The following ZNF740 variants were observed in gnomAD, a reference collection of about 807,000 sequenced individuals.
ZNF740 encodes zinc finger protein 740, also known as oriLyt TD-element-binding protein 7.
In ZNF740, 14 loss-of-function variants were observed where a neutral mutation model predicts 24.8. The ratio of observed to expected loss-of-function variants is 0.56; its 90% CI spans 0.37 to 0.88. ZNF740 has a LOEUF of 0.88. Among genes scored for constraint, ZNF740 ranks in the 40% least tolerant of loss-of-function variants. The pLI, the probability that ZNF740 is intolerant of heterozygous loss-of-function variation, is 0.00. For synonymous variants in ZNF740, 69 were observed against 84.0 expected, an observed-to-expected ratio of 0.82 and a Z score of 0.98; for missense variants, 201 against 247.9, an observed-to-expected ratio of 0.81 and a Z score of 1.27.
At chr12:53,185,110 G>A (rs1941797952) in intron 3 of ZNF740, 70 bp downstream of exon 3, 1 of 1,597,228 alleles carries the variant, frequency 6.3e-7, no homozygotes. Flanking sequence ...GAGATACCAA[G>A]CTCTGATTCC....
Position 53,183,880 on chromosome 12 carries a change from C to T in ZNF740, c.10-1011C>T, listed in dbSNP as rs558964322. On this transcript the variant is annotated intron_variant, in intron 2 of 6. Transcript: ENST00000416904. The stretch of plus-strand genomic sequence containing the variant: ...CTCTATAAATACAAAAAAAAATAGC[C>T]GGGTGTGGTGGCATTCTCCTGAAGT... 1.5e-4 allele frequency among the ~76,000 whole-genome samples: 23 copies of T among 151,944 alleles called. 1 individual carries two copies. The South Asian group carries it at 4.4e-3, about 29-fold the overall frequency.
Position 53,188,497 on chromosome 12 carries a change from T to G in ZNF740, c.*907T>G, listed in dbSNP as rs1325012464. ...GACAGATGTGTTGAGCAAGGAGTCATGGAAGTCAAAGTGGGTTCTCTCTCC... is the reference window on the plus strand; with the variant it reads ...GACAGATGTGTTGAGCAAGGAGTCAGGGAAGTCAAAGTGGGTTCTCTCTCC... On this transcript the variant is annotated 3_prime_UTR_variant, in exon 7 of 7. Transcript: ENST00000416904. The G allele has an allele frequency of 6.6e-6, 1 of 152,590 alleles. No homozygotes were observed. The highest frequency in any genetic ancestry group is 1.5e-5 in the Non-Finnish European group (1 of 68,048). The allele number at this position is 152,590 out of a possible 1,614,324, so 9.5% of individuals were successfully genotyped here. A position where few individuals can be genotyped will look rare whatever the true frequency, so the allele number is the denominator to read the frequency against.
rs1280945525 is a variant in ZNF740, at chr12:53,181,707, G to C, written c.-277G>C. On this transcript the variant is annotated 5_prime_UTR_variant, in exon 2 of 7. Transcript: ENST00000416904. ...TGAAACAGATCGTGAGCTTCATCAA[G>C]AGAATTCAACTGGAAAACCAAGACT... 1.1e-5 allele frequency: 5 copies of C among 474,570 alleles called. No individual in the cohort carries two copies. The highest frequency in any genetic ancestry group is 1.4e-5 in the Non-Finnish European group (4 of 285,254). 29.4% of individuals were successfully genotyped at this position (474,570 alleles called of 1,614,324 possible).
At position 53,193,421 on chromosome 12, in the gene ZNF740, G is replaced by C; in HGVS notation, c.*5831G>C. ...CAGAGGGTTTGATCACCCCTGACTTGTCTCTCCCAGGAACCTCTAAACCCA... is the reference window on the plus strand; with the variant it reads ...CAGAGGGTTTGATCACCCCTGACTTCTCTCTCCCAGGAACCTCTAAACCCA... On this transcript the variant is annotated 3_prime_UTR_variant, in exon 7 of 7. Transcript: ENST00000416904. 3.1e-6 allele frequency: 4 copies of C among 1,271,212 alleles called. No homozygotes were observed. Among genetic ancestry groups the C allele is most frequent in the Non-Finnish European group, 4.3e-6 (4 of 934,352 alleles). The allele number at this position is 1,271,212 out of a possible 1,614,324, so 78.7% of individuals were successfully genotyped here. A position where few individuals can be genotyped will look rare whatever the true frequency, so the allele number is the denominator to read the frequency against.
At chr12:53,185,241 C>T (rs1941800831) in intron 3 of ZNF740, 146 bp from the exon 4 acceptor site, 2 of 1,132,758 alleles carry the variant, frequency 1.8e-6, no homozygotes, top group South Asian at 3.1e-5. Context: ...AGACCAGGTG[C>T]TTGGAGAGGA....
Position 53,192,305 on chromosome 12 carries a change from G to A in ZNF740, c.*4715G>A, listed in dbSNP as rs771415887. 2.5e-6 allele frequency: 4 copies of A among 1,610,740 alleles called. No homozygotes were observed. Among genetic ancestry groups the A allele is most frequent in the Non-Finnish European group, 3.4e-6 (4 of 1,177,596 alleles). ...AGACCCTGCCCATCAAACTTCCAGG[G>A]TTTGTGGCATCCCTGCCCACTTACT... On this transcript the variant is annotated 3_prime_UTR_variant, in exon 7 of 7. Coordinates refer to ENST00000416904, the MANE Select transcript of ZNF740 (RefSeq NM_001004304.4).
In ZNF740 at chr12:53,184,162, C is replaced by T. The variant is rs551845242; in HGVS notation, c.10-729C>T. 1.6e-3 allele frequency among the ~76,000 whole-genome samples: 199 copies of T among 125,852 alleles called. 1 individual carries two copies. Among genetic ancestry groups the T allele is most frequent in the African/African-American group, 6.6e-3 (192 of 29,198 alleles). The allele number at this position is 125,852 out of a possible 152,430, so 82.6% of individuals were successfully genotyped here. A position where few individuals can be genotyped will look rare whatever the true frequency, so the allele number is the denominator to read the frequency against. ...GTGTGTGTGTGTGTGCGCGCGCGCGCTCTGAAGCTAAGGGGTGTGTGTGTG... is the reference window on the plus strand; with the variant it reads ...GTGTGTGTGTGTGTGCGCGCGCGCGTTCTGAAGCTAAGGGGTGTGTGTGTG... On this transcript the variant is annotated intron_variant, in intron 2 of 6. Coordinates refer to ENST00000416904, the MANE Select transcript of ZNF740 (RefSeq NM_001004304.4).
rs201607880 is a variant in ZNF740, at chr12:53,191,944, A to G, written c.*4354A>G. 3 of 1,611,360 alleles carry G rather than the reference A, an allele frequency of 1.9e-6. No individual in the cohort carries two copies. The highest frequency in any genetic ancestry group is 2.5e-6 in the Non-Finnish European group (3 of 1,179,918). On this transcript the variant is annotated 3_prime_UTR_variant, in exon 7 of 7. Transcript: ENST00000416904. ...GATTTCCACCGAGAGCCGGTAAGCC[A>G]GGACCAGCCCCAGCCCCACTGCCAC...
chr12:53,191,508 C>A lies in ZNF740; in HGVS notation c.*3918C>A. On this transcript the variant is annotated 3_prime_UTR_variant, in exon 7 of 7. Transcript: ENST00000416904. ...CACCCTTCCTCTCACCCTCCAGTTC[C>A]CACTGTCCTCCAAGGAGAAGAGCCT... is the stretch of plus-strand genomic sequence containing the variant. The A allele has an allele frequency of 6.9e-7, 1 of 1,450,784 alleles. No homozygotes were observed. Among genetic ancestry groups the A allele is most frequent in the Non-Finnish European group, 9.7e-7 (1 of 1,031,058 alleles). 89.9% of individuals were successfully genotyped at this position (1,450,784 alleles called of 1,614,324 possible). A position where few individuals can be genotyped will look rare whatever the true frequency, so the allele number is the denominator to read the frequency against.
chr12:53,186,515 G>C lies in ZNF740; in HGVS notation c.492+6G>C, dbSNP rs1033471059. 3.2e-6 allele frequency: 5 copies of C among 1,549,998 alleles called. No homozygotes were observed. Among genetic ancestry groups the C allele is most frequent in the African/African-American group, 1.4e-5 (1 of 73,184 alleles). ...AGTGTGAACGGTGTCATCAGGTAAGGCTCATCCCTGCTACAATACCCCACA... is the reference window on the plus strand; with the variant it reads ...AGTGTGAACGGTGTCATCAGGTAAGCCTCATCCCTGCTACAATACCCCACA... On this transcript the variant is annotated splice_donor_region_variant and intron_variant, in intron 6 of 6. Coordinates refer to ENST00000416904, the MANE Select transcript of ZNF740 (RefSeq NM_001004304.4).
In ZNF740 at chr12:53,191,390, G is replaced by A; in HGVS notation, c.*3800G>A. ...GATGGATGCAAGGTTGCAGGCATGG[G>A]AAGCAGCCCTCTTGGGTGTCACTCT... On this transcript the variant is annotated 3_prime_UTR_variant, in exon 7 of 7. Transcript: ENST00000416904. The A allele has an allele frequency of 1.5e-6, 1 of 645,400 alleles. No individual in the cohort carries two copies. The highest frequency in any genetic ancestry group is 1.7e-5 in the South Asian group (1 of 57,868). 40.0% of individuals were successfully genotyped at this position (645,400 alleles called of 1,614,324 possible).
chr12:53,185,406 A>G lies in ZNF740; in HGVS notation c.179A>G (p.Asp60Gly), dbSNP rs1383559268. The change falls in exon 4 of 7, where the codon GAT becomes GGT. Residue 60 changes from aspartate (D) to glycine (G), a missense_variant. Physicochemically the swap from Asp to Gly is moderately conservative, Grantham distance 94. This residue lies in a region of ZNF740 where 117 missense variants were observed against 122.3 expected (regional missense o/e 0.96). Transcript: ENST00000416904. ...TCAAAGGGTCACCGAAAAGACAGTG[A>G]TAAGTCCCGGAGCCGCAAAGATGAT... ...CSSQGHRKDS[D>G]KSRSRKDDDS... 1 of 1,614,020 alleles carries G rather than the reference A, an allele frequency of 6.2e-7. No individual in the cohort carries two copies. The highest frequency in any genetic ancestry group is 8.5e-7 in the Non-Finnish European group (1 of 1,179,884).
At chr12:53,182,727 G>T (rs1400651050) in intron 2 of ZNF740, among the ~76,000 whole-genome samples, 1 of 152,188 alleles carries the variant, frequency 6.6e-6, no homozygotes, top group East Asian at 1.9e-4. Flanking sequence ...GATAGTTACG[G>T]AGTAAGGGAT....
intron 5 of ZNF740, 72 bp from the exon 6 acceptor site, chr12:53,186,319 T>A (rs1421833652): frequency 2.1e-6 from 3 of 1,398,376 alleles, no homozygotes; most frequent in East Asian, 2.5e-5. Flanking sequence ...AGTTAAAGTT[T>A]CTGAGAAAAC....
In ZNF740 at chr12:53,192,036, A is replaced by G. The variant is rs1401621150; in HGVS notation, c.*4446A>G. 1 of 1,608,624 alleles carries G rather than the reference A, an allele frequency of 6.2e-7. No individual in the cohort carries two copies. Among genetic ancestry groups the G allele is most frequent in the South Asian group, 1.1e-5 (1 of 90,928 alleles). ...CTGCTCCCTCTGTGAACAAGAAACCAGACACACTTGTGGGAGCTGGAGCAT... is the reference window on the plus strand; with the variant it reads ...CTGCTCCCTCTGTGAACAAGAAACCGGACACACTTGTGGGAGCTGGAGCAT... On this transcript the variant is annotated 3_prime_UTR_variant, in exon 7 of 7. Coordinates refer to ENST00000416904, the MANE Select transcript of ZNF740 (RefSeq NM_001004304.4).
Position 53,192,248 on chromosome 12 carries a change from C to G in ZNF740, c.*4658C>G. On this transcript the variant is annotated 3_prime_UTR_variant, in exon 7 of 7. Transcript: ENST00000416904. ...TTCTGCTTCAGCCCCCAGCCTGTTTCCCATTATCTTCACTCTGCATCCCCA... is the reference window on the plus strand; with the variant it reads ...TTCTGCTTCAGCCCCCAGCCTGTTTGCCATTATCTTCACTCTGCATCCCCA... 1 of 1,447,854 alleles carries G rather than the reference C, an allele frequency of 6.9e-7. No homozygotes were observed. Among genetic ancestry groups the G allele is most frequent in the Non-Finnish European group, 9.6e-7 (1 of 1,039,594 alleles). The allele number at this position is 1,447,854 out of a possible 1,614,324, so 89.7% of individuals were successfully genotyped here.
In ZNF740 at chr12:53,194,465, C is replaced by T; in HGVS notation, c.*6875C>T. On this transcript the variant is annotated 3_prime_UTR_variant, in exon 7 of 7. Transcript: ENST00000416904. The stretch of plus-strand genomic sequence containing the variant: ...CCCTGCCCTCTGCCACCTGGGGCTC[C>T]TTCCATTCTGCCCAGTCGAGGCATT... 1 of 957,192 alleles carries T rather than the reference C, an allele frequency of 1.0e-6. No individual in the cohort carries two copies. The highest frequency in any genetic ancestry group is 1.6e-6 in the Non-Finnish European group (1 of 632,088). The allele number at this position is 957,192 out of a possible 1,614,324, so 59.3% of individuals were successfully genotyped here. A position where few individuals can be genotyped will look rare whatever the true frequency, so the allele number is the denominator to read the frequency against.
intron 6 of ZNF740, chr12:53,186,849 GAAGTT>G (rs1468906647): frequency 3.9e-5 from 8 of 203,262 alleles, no homozygotes; most frequent in East Asian, 3.3e-4. Context: ...GAGATTCAGA[GAAGTT>G]AAGTTTCCCA....
Position 53,195,077 on chromosome 12 carries a change from T to TAGCA in ZNF740, c.*7489_*7492dup. ...AGGCTTTTGGCAGGGTTAAATGAAG[T>TAGCA]AGCAAACAGTATGTACACCTAGGAT... On this transcript the variant is annotated 3_prime_UTR_variant, in exon 7 of 7. Transcript: ENST00000416904. The TAGCA allele has an allele frequency of 2.8e-6, 1 of 360,316 alleles. No individual in the cohort carries two copies. 22.3% of individuals were successfully genotyped at this position (360,316 alleles called of 1,614,324 possible). A position where few individuals can be genotyped will look rare whatever the true frequency, so the allele number is the denominator to read the frequency against.
Sources: allele counts gnomAD v4.1 joint callset (sites outside exome capture counted in the v4.1 genomes callset), GRCh38; gene constraint gnomAD v4.1.1; regional missense constraint gnomAD v4.1.1; transcripts MANE v1.5; gene names NCBI Gene and HGNC (gene_info 2026-07-23, HGNC 2026-07-21).